The following ASTN2 variants were observed in gnomAD, a reference collection of about 807,000 sequenced individuals.
ASTN2 encodes astrotactin-2.
Under a neutral mutation model 139.8 loss-of-function variants are expected in ASTN2, and 54 were observed. The ratio of observed to expected loss-of-function variants is 0.39; its 90% CI spans 0.31 to 0.48. ASTN2 has a LOEUF of 0.48. Among genes scored for constraint, ASTN2 ranks in the 20% least tolerant of loss-of-function variants. The pLI is 0.95. For missense variants in ASTN2, 1,565 were observed against 1,725.1 expected (o/e 0.91, Z 1.64); for synonymous variants, 756 against 719.5 (o/e 1.05, Z -0.81).
At chr9:116,732,099 G>A (rs1435057265) in intron 14 of ASTN2, among the ~76,000 whole-genome samples, 1 of 152,128 alleles carries the variant, frequency 6.6e-6, no homozygotes, top group African/African-American at 2.4e-5. Flanking sequence ...ATCTACATCT[G>A]GGTCCCTCTT....
At chr9:117,068,517 C>A (rs1828017250) in intron 5 of ASTN2, among the ~76,000 whole-genome samples, 1 of 117,640 alleles carries the variant, frequency 8.5e-6, no homozygotes. Flanking sequence ...ATGATGCTGG[C>A]CTCATAAAAT....
At chr9:116,596,714 A>G (rs1434182861) in intron 19 of ASTN2, among the ~76,000 whole-genome samples, 1 of 152,206 alleles carries the variant, frequency 6.6e-6, no homozygotes, top group Non-Finnish European at 1.5e-5. Flanking sequence ...ACATAAGGGT[A>G]GTAATACTGA....
intron 1 of ASTN2, among the ~76,000 whole-genome samples, chr9:117,310,454 C>A (rs1287721561): frequency 6.6e-6 from 1 of 152,110 alleles, no homozygotes; most frequent in Non-Finnish European, 1.5e-5. Context: ...CCTGAAGACA[C>A]CTGAAGTCCC....
chr9:116,561,376 G>C (rs903169612), intron 19 of ASTN2, among the ~76,000 whole-genome samples: 3 of 152,066 alleles, frequency 2.0e-5, no homozygotes, highest in Admixed American at 6.6e-5. Context: ...AATTCAAGTA[G>C]AATAAAATAT....
At chr9:116,563,181 C>A (rs1747606472) in intron 19 of ASTN2, among the ~76,000 whole-genome samples, 2 of 151,956 alleles carry the variant, frequency 1.3e-5, no homozygotes, top group Admixed American at 1.3e-4. Flanking sequence ...AGAGACCATC[C>A]TGGCTAACAC....
At chr9:117,168,895 C>T (rs193292648) in intron 3 of ASTN2, among the ~76,000 whole-genome samples, 117 of 152,048 alleles carry the variant, frequency 7.7e-4, no homozygotes, top group Non-Finnish European at 1.3e-3. Flanking sequence ...ACTTGTAGTG[C>T]GAAAAACAAT....
chr9:117,230,986 G>A (rs985755216), intron 2 of ASTN2, among the ~76,000 whole-genome samples: 1 of 152,066 alleles, frequency 6.6e-6, no homozygotes, highest in African/African-American at 2.4e-5. Context: ...ATAACACCTG[G>A]GGATGCTCAT....
chr9:116,652,726 T>A (rs1349625451), intron 16 of ASTN2, among the ~76,000 whole-genome samples: 4 of 152,234 alleles, frequency 2.6e-5, no homozygotes, highest in Non-Finnish European at 2.9e-5. Context: ...GAGGTAGGAC[T>A]GTCTGGAAAA....
intron 10 of ASTN2, among the ~76,000 whole-genome samples, chr9:116,884,403 T>G (rs1998898): frequency 0.22 from 33,582 of 152,094 alleles, 4,423 homozygotes; most frequent in Middle Eastern, 0.3. Flanking sequence ...AGTCCAAAAT[T>G]AAGACATCAG....
At chr9:116,660,115 T>C (rs1483599391) in intron 16 of ASTN2, among the ~76,000 whole-genome samples, 1 of 152,082 alleles carries the variant, frequency 6.6e-6, no homozygotes, top group Non-Finnish European at 1.5e-5. Context: ...AGAAGGTATA[T>C]ATGTATGAGT....
intron 1 of ASTN2, among the ~76,000 whole-genome samples, chr9:117,314,477 C>T (rs922089704): frequency 1.5e-4 from 23 of 151,720 alleles, no homozygotes; most frequent in Non-Finnish European, 3.1e-4. Context: ...CCTGCGGTTG[C>T]TGTCTTAGCT....
intron 16 of ASTN2, among the ~76,000 whole-genome samples, chr9:116,709,249 C>G (rs1233614377): frequency 6.6e-6 from 1 of 152,200 alleles, no homozygotes; most frequent in African/African-American, 2.4e-5. Context: ...CCACCCTCAG[C>G]CCCTTGCTAA....
At chr9:116,903,097 T>C (rs1025572003) in intron 10 of ASTN2, among the ~76,000 whole-genome samples, 1 of 152,114 alleles carries the variant, frequency 6.6e-6, no homozygotes, top group Non-Finnish European at 1.5e-5. Context: ...CCTCCTCCTC[T>C]TCACTTCCTC....
chr9:116,594,952 TACATACATACAC>T (rs1474414073), intron 19 of ASTN2, among the ~76,000 whole-genome samples: 1 of 152,016 alleles, frequency 6.6e-6, no homozygotes, highest in Non-Finnish European at 1.5e-5. Flanking sequence ...CATAGGTACA[TACATACATACAC>T]ACATACATAC....
At chr9:116,494,767 C>T (rs561821622) in intron 19 of ASTN2, among the ~76,000 whole-genome samples, 2 of 152,242 alleles carry the variant, frequency 1.3e-5, no homozygotes, top group South Asian at 4.1e-4. Context: ...AACTTTCTCA[C>T]AAAAATCTAC....
At chr9:116,482,370 G>T (rs1849198370) in intron 20 of ASTN2, among the ~76,000 whole-genome samples, 1 of 152,018 alleles carries the variant, frequency 6.6e-6, no homozygotes, top group African/African-American at 2.4e-5. Context: ...CTATCTCTAG[G>T]TTTATCATGA....
chr9:116,604,468 C>G (rs1855083689), intron 19 of ASTN2, among the ~76,000 whole-genome samples: 1 of 152,156 alleles, frequency 6.6e-6, no homozygotes, highest in African/African-American at 2.4e-5. Context: ...CCCCCCAATT[C>G]TAGCTGAGAG....
At chr9:116,772,781 C>T (rs1264589941) in intron 13 of ASTN2, among the ~76,000 whole-genome samples, 2 of 152,198 alleles carry the variant, frequency 1.3e-5, no homozygotes, top group African/African-American at 4.8e-5. Flanking sequence ...GCAGTCTCAT[C>T]TTGGCTGCAG....
At position 117,372,990 on chromosome 9, in the gene ASTN2, T is replaced by G. The variant is rs924262545; in HGVS notation, c.442+41507A>C. Among the ~76,000 whole-genome samples the G allele has an allele frequency of 3.9e-5, 6 of 152,272 alleles. No individual in the cohort carries two copies. In the East Asian group the frequency reaches 1.2e-3, roughly 29 times the overall value. ...GTAAGTCACTGAACTTCTCTGAGAC[T>G]CAGTTTTCTCATTTCTACATTGGGG... On this transcript the variant is annotated intron_variant, in intron 1 of 22. Coordinates refer to ENST00000313400, the MANE Select transcript of ASTN2 (RefSeq NM_001365068.1).
Sources: allele counts gnomAD v4.1 joint callset (sites outside exome capture counted in the v4.1 genomes callset), GRCh38; gene constraint gnomAD v4.1.1; transcripts MANE v1.5; gene names NCBI Gene and HGNC (gene_info 2026-07-23, HGNC 2026-07-21).